The following UBR4 variants were observed in gnomAD, a reference collection of about 807,000 sequenced individuals.
UBR4 encodes E3 ubiquitin-protein ligase UBR4.
A neutral mutation model predicts 575.6 loss-of-function variants in UBR4; 124 were observed. The ratio of observed to expected loss-of-function variants is 0.22; its 90% CI spans 0.19 to 0.25. The LOEUF (loss-of-function observed/expected upper bound fraction) is 0.25. Among genes scored for constraint, UBR4 ranks in the 10% least tolerant of loss-of-function variants. UBR4 has a pLI of 1.00. For missense variants in UBR4, 4,818 were observed against 6,478.8 expected, an observed-to-expected ratio of 0.74 and a Z score of 8.80; for synonymous variants, 2,455 against 2,473.7, an observed-to-expected ratio of 0.99 and a Z score of 0.22.
At chr1:19,126,813 T>C (rs2081849578) in intron 63 of UBR4, among the ~76,000 whole-genome samples, 158 bp from the exon 64 acceptor site, 2 of 152,248 alleles carry the variant, frequency 1.3e-5, no homozygotes. Flanking sequence ...CCAAGGAAGT[T>C]TGTGAGGTTT....
intron 77 of UBR4, chr1:19,113,436 C>T (rs1467898227): frequency 2.0e-6 from 1 of 500,138 alleles, no homozygotes; most frequent in African/African-American, 1.9e-5. Context: ...TTGTTAATGG[C>T]TAAAAAAAAC....
intron 38 of UBR4, 26 bp from the exon 39 acceptor site, chr1:19,160,307 A>G (rs775121251): frequency 6.7e-7 from 1 of 1,489,878 alleles, no homozygotes; most frequent in Non-Finnish European, 9.0e-7. Context: ...AAAATACACC[A>G]GTGAAAAAAA....
Position 19,165,715 on chromosome 1 carries a change from C to A in UBR4, c.4152G>T (p.Leu1384Phe), listed in dbSNP as rs372045518. The change falls in exon 30 of 106, where the codon TTG (leucine) becomes TTT (phenylalanine). Residue 1384 changes from leucine to phenylalanine, a missense_variant. Leu to Phe is a conservative substitution (Grantham distance 22). Coordinates refer to ENST00000375254, the MANE Select transcript of UBR4 (RefSeq NM_020765.3). The part of the protein sequence containing the change: ...ESILEECLQY[L>F]EKQLESSQAR... ...CCTGGCTACTTTCCAGCTGCTTTTC[C>A]AAGTACTGGAGACATTCCTCCAGGA... 1 of 1,614,040 alleles carries A rather than the reference C, an allele frequency of 6.2e-7. No homozygotes were observed.
In UBR4 at chr1:19,152,005, A is replaced by C; in HGVS notation, c.6997-146T>G. On this transcript the variant is annotated intron_variant, in intron 47 of 105. Transcript: ENST00000375254. The surrounding 1 kb of genome is among the most constrained non-coding windows in gnomAD (Gnocchi z 4.4). The stretch of plus-strand genomic sequence containing the variant: ...CCTGGTAATGACTTCCTTGTTTCTA[A>C]AAATGGGAAAATAGGAAAAGAGAGC... 1 of 866,848 alleles carries C rather than the reference A, an allele frequency of 1.2e-6. No homozygotes were observed. Among genetic ancestry groups the C allele is most frequent in the Non-Finnish European group, 1.7e-6 (1 of 582,958 alleles). The allele number at this position is 866,848 out of a possible 1,614,324, so 53.7% of individuals were successfully genotyped here.
At chr1:19,186,204 T>A (rs1352039838) in intron 14 of UBR4, among the ~76,000 whole-genome samples, 1 of 152,218 alleles carries the variant, frequency 6.6e-6, no homozygotes, top group Admixed American at 6.5e-5. Flanking sequence ...TGTGACCTTT[T>A]GAGTTTCACT....
chr1:19,170,677 A>G, intron 26 of UBR4, 85 bp downstream of exon 26: 1 of 1,577,900 alleles, frequency 6.3e-7, no homozygotes, highest in Non-Finnish European at 8.6e-7. Context: ...AGTAAACGCC[A>G]GTAGGCACCA....
Position 19,089,901 on chromosome 1 carries a change from T to A in UBR4, c.14212-924A>T, listed in dbSNP as rs1203991229. ...CATATTTCAACTCCTACTGAGCTTTTCCACAGGTACCCCAAACTCAACATT... is the reference window on the plus strand; with the variant it reads ...CATATTTCAACTCCTACTGAGCTTTACCACAGGTACCCCAAACTCAACATT... On this transcript the variant is annotated intron_variant, in intron 97 of 105. Transcript: ENST00000375254. This position sits in a 1 kb window ranked among gnomAD's most constrained non-coding sequence, Gnocchi z 4.3. Among the ~76,000 whole-genome samples, 1 of 152,244 alleles carries A rather than the reference T, an allele frequency of 6.6e-6. No individual in the cohort carries two copies. Among genetic ancestry groups the A allele is most frequent in the Non-Finnish European group, 1.5e-5 (1 of 68,044 alleles).
chr1:19,169,362 C>A, intron 27 of UBR4, 73 bp downstream of exon 27: 1 of 1,320,942 alleles, frequency 7.6e-7, no homozygotes, highest in Non-Finnish European at 1.0e-6. Context: ...AAGCCTAATT[C>A]CTTTAGGCTT....
intron 81 of UBR4, among the ~76,000 whole-genome samples, chr1:19,108,414 T>C (rs1035096565): frequency 2.6e-5 from 4 of 152,088 alleles, no homozygotes; most frequent in African/African-American, 9.7e-5. Flanking sequence ...CGGAGATCCA[T>C]GGAAAGGCAG....
intron 1 of UBR4, among the ~76,000 whole-genome samples, chr1:19,203,798 G>A (rs974503808): frequency 6.6e-6 from 1 of 152,104 alleles, no homozygotes; most frequent in African/African-American, 2.4e-5. Flanking sequence ...ATGTGTGCAA[G>A]GATCCTCCTG....
At chr1:19,092,094 G>A (rs923549824) in intron 97 of UBR4, among the ~76,000 whole-genome samples, 1 of 151,884 alleles carries the variant, frequency 6.6e-6, no homozygotes, top group Non-Finnish European at 1.5e-5. Flanking sequence ...AGGGGCTTGT[G>A]GCAGGGGAGC....
rs1341893917 is a variant in UBR4 at position 19,139,550 on chromosome 1, G to A, written c.8594-330C>T. Among the ~76,000 whole-genome samples the A allele has an allele frequency of 2.0e-5, 3 of 152,194 alleles. No individual in the cohort carries two copies. Among genetic ancestry groups the A allele is most frequent in the Non-Finnish European group, 4.4e-5 (3 of 68,040 alleles). On this transcript the variant is annotated intron_variant, in intron 58 of 105. Transcript: ENST00000375254. This position sits in a 1 kb window ranked among gnomAD's most constrained non-coding sequence, Gnocchi z 4.2. ...AGATTCAGTAAGAATCTGTGACATG[G>A]ACGCTGAGTTTTCTAGCTAAAATGC...
intron 102 of UBR4, among the ~76,000 whole-genome samples, chr1:19,082,960 A>G (rs1489788475): frequency 6.6e-6 from 1 of 152,196 alleles, no homozygotes; most frequent in East Asian, 1.9e-4. Flanking sequence ...GTCGACTGGG[A>G]AGCAGTCTGG....
chr1:19,176,722 C>T lies in UBR4; in HGVS notation c.2643G>A (p.Gln881=), dbSNP rs1312329666. ...KAPVYLFEQV[Q]HNLLSPPFGW... The stretch of plus-strand genomic sequence containing the variant: ...CAAAGGGAGGACTTAGCAGGTTATG[C>T]TGTACCTTTTAAAACACAAATACTG... Residue 881 remains glutamine, a synonymous_variant, in exon 20 of 106, where the codon CAG becomes CAA. Transcript: ENST00000375254. 1.9e-6 allele frequency: 3 copies of T among 1,613,062 alleles called. No homozygotes were observed. Among genetic ancestry groups the T allele is most frequent in the Non-Finnish European group, 2.5e-6 (3 of 1,179,712 alleles).
At position 19,164,846 on chromosome 1, in the gene UBR4, G is replaced by T. The variant is rs773629554; in HGVS notation, c.4464C>A (p.Asn1488Lys). Residue 1488 changes from asparagine (N) to lysine (K), a missense_variant, in exon 32 of 106, where the codon AAC (asparagine) becomes AAA (lysine). This residue lies in a region of UBR4 where 1,172 missense variants were observed against 1,259.7 expected (regional missense o/e 0.93). Coordinates refer to ENST00000375254, the MANE Select transcript of UBR4 (RefSeq NM_020765.3). ...DSDQLDVIQE[N>K]RQLLQLLTTY... ...TGGTCAGTAACTGCAGCAGCTGCCGGTTCTCCTGAATTACATCCAGCTGAT... is the reference window on the plus strand; with the variant it reads ...TGGTCAGTAACTGCAGCAGCTGCCGTTTCTCCTGAATTACATCCAGCTGAT... 1 of 1,614,214 alleles carries T rather than the reference G, an allele frequency of 6.2e-7. No individual in the cohort carries two copies. Among genetic ancestry groups the T allele is most frequent in the South Asian group, 1.1e-5 (1 of 91,084 alleles).
intron 20 of UBR4, among the ~76,000 whole-genome samples, chr1:19,175,473 C>CA (rs1198946102): frequency 6.6e-6 from 1 of 152,192 alleles, no homozygotes; most frequent in South Asian, 2.1e-4. Context: ...TAAGGCTTCA[C>CA]AAAAGTTTCC....
In UBR4 at chr1:19,105,138, A is replaced by C. The variant is rs916685237; in HGVS notation, c.12555T>G (p.Ala4185=). The part of the protein sequence containing the change: ...IAGECAAEYL[A]LYQKLITSAH... ...CAGAAGTGATGAGCTTCTGGTAGAG[A>C]GCCAGGTACTCAGCTGCACACTCCC... is the stretch of plus-strand genomic sequence containing the variant. The change falls in exon 85 of 106, where the codon GCT becomes GCG. Residue 4185 remains alanine (A), a synonymous_variant. Transcript: ENST00000375254. 6.2e-7 allele frequency: 1 copy of C among 1,614,038 alleles called. No homozygotes were observed. Among genetic ancestry groups the C allele is most frequent in the Non-Finnish European group, 8.5e-7 (1 of 1,179,992 alleles).
intron 103 of UBR4, chr1:19,080,512 A>G (rs2076382046): frequency 6.6e-6 from 1 of 152,276 alleles, no homozygotes; most frequent in Non-Finnish European, 1.5e-5. Flanking sequence ...AAATGTGGAC[A>G]TGATCCCTCG....
intron 101 of UBR4, among the ~76,000 whole-genome samples, chr1:19,085,309 G>C (rs904282801): frequency 2.0e-5 from 3 of 152,202 alleles, no homozygotes; most frequent in Admixed American, 1.3e-4. Context: ...ATCACCTGAG[G>C]TCAGGAGTTC....
Sources: gnomAD v4.1 joint callset for allele counts (sites outside exome capture counted in the v4.1 genomes callset) on GRCh38, gnomAD v4.1.1 for gene constraint, gnomAD v4.1.1 regional missense constraint, Gnocchi (gnomAD v3.1) non-coding constraint, MANE v1.5 for transcripts, NCBI Gene and HGNC (gene_info 2026-07-23, HGNC 2026-07-21) for gene names.